The following ALKBH2 variants were observed in gnomAD, a reference collection of about 807,000 sequenced individuals.
ALKBH2 encodes alkB homolog 2, alpha-ketoglutarate dependent dioxygenase.
A neutral mutation model predicts 19.7 loss-of-function variants in ALKBH2; 19 were observed. That is an observed-to-expected ratio of 0.97 (90% confidence interval 0.67 to 1.42). The LOEUF is 1.42. ALKBH2 is among the 40% of genes most tolerant of loss of function. The pLI, the probability that ALKBH2 is intolerant of heterozygous loss-of-function variation, is 0.00. For missense variants in ALKBH2, 310 were observed against 328.5 expected (o/e 0.94, Z 0.43); for synonymous variants, 135 against 131.2 (o/e 1.03, Z -0.20).
Position 109,092,700 on chromosome 12 carries a change from C to A in ALKBH2, c.87G>T (p.Val29=), listed in dbSNP as rs1188812368. Reference sequence around the variant, plus strand: ...TTGTGCTTTCTTTGTCTCCTCCCAACACAGCTGGCTCTTCTCCAGTTGGCT... The same window carrying A: ...TTGTGCTTTCTTTGTCTCCTCCCAAAACAGCTGGCTCTTCTCCAGTTGGCT... ...EQEPTGEEPA[V]LGGDKESTRK... The change falls in exon 2 of 4, where the codon GTG becomes GTT. Residue 29 remains valine (V), a synonymous_variant. Transcript: ENST00000429722. The A allele has an allele frequency of 6.2e-7, 1 of 1,614,120 alleles. No homozygotes were observed. The highest frequency in any genetic ancestry group is 8.5e-7 in the Non-Finnish European group (1 of 1,180,056).
In ALKBH2 at chr12:109,092,867, C is replaced by G; in HGVS notation, c.-81G>C. On this transcript the variant is annotated 5_prime_UTR_variant, in exon 2 of 4. Coordinates refer to ENST00000429722, the MANE Select transcript of ALKBH2 (RefSeq NM_001145374.2). ...CAAGTTCTATCCCCAGTGCAAAAAT[C>G]TGTTTGTCCAAGGGGTCTCACAGCA... 13 of 1,521,068 alleles carry G rather than the reference C, an allele frequency of 8.5e-6. No individual in the cohort carries two copies. The highest frequency in any genetic ancestry group is 1.1e-5 in the Non-Finnish European group (12 of 1,137,810). 94.2% of individuals were successfully genotyped at this position (1,521,068 alleles called of 1,614,324 possible).
intron 2 of ALKBH2, among the ~76,000 whole-genome samples, chr12:109,091,170 T>C (rs1346779440): frequency 6.6e-6 from 1 of 152,000 alleles, no homozygotes; most frequent in African/African-American, 2.4e-5. Context: ...AAGGCGAGGA[T>C]CACTCAAGGC....
rs1730322500 is a variant in ALKBH2, at chr12:109,088,475, C to T, written c.517G>A (p.Asp173Asn). 6.2e-7 allele frequency: 1 copy of T among 1,610,618 alleles called. No homozygotes were observed. Among genetic ancestry groups the T allele is most frequent in the South Asian group, 1.1e-5 (1 of 91,020 alleles). The change falls in exon 4 of 4, where the codon GAT becomes AAT. Residue 173 changes from aspartate (D) to asparagine (N), a missense_variant. Physicochemically the swap from Asp to Asn is conservative, Grantham distance 23. Transcript: ENST00000429722. The surrounding 1 kb of genome is among the most constrained non-coding windows in gnomAD (Gnocchi z 4.2). Reference sequence around the variant, plus strand: ...CCAGGGGCCAGTTCTCTTTCATCATCTCGGTGCTCCCCGATGTGGTCACAG... The same window carrying T: ...CCAGGGGCCAGTTCTCTTTCATCATTTCGGTGCTCCCCGATGTGGTCACAG... ...DGCDHIGEHR[D>N]DERELAPGSP...
chr12:109,088,317 C>G lies in ALKBH2; in HGVS notation c.675G>C (p.Met225Ile). The change falls in exon 4 of 4, where the codon ATG (methionine) becomes ATC (isoleucine). Residue 225 changes from methionine (M) to isoleucine (I), a missense_variant. Physicochemically the swap from Met to Ile is conservative, Grantham distance 10 (BLOSUM62 1). Transcript: ENST00000429722. The surrounding 1 kb of genome is among the most constrained non-coding windows in gnomAD (Gnocchi z 4.2). ...AGTGCGTGTTGGTCGGGTGGTTCAT[C>G]ATTAGTAAGCTCCCGTGGGCCAGCG... is the stretch of plus-strand genomic sequence containing the variant. ...RLPLAHGSLLMMNHPTNTHWY... is the reference protein window; with the variant it reads ...RLPLAHGSLLIMNHPTNTHWY... The G allele has an allele frequency of 6.2e-7, 1 of 1,614,180 alleles. No individual in the cohort carries two copies. The highest frequency in any genetic ancestry group is 8.5e-7 in the Non-Finnish European group (1 of 1,180,044).
intron 2 of ALKBH2, chr12:109,092,208 CG>C: frequency 3.5e-6 from 1 of 285,602 alleles, no homozygotes; most frequent in Middle Eastern, 1.0e-3. Flanking sequence ...GAACCCAGCA[CG>C]TTTTTTTACT....
intron 2 of ALKBH2, 34 bp from the exon 3 acceptor site, chr12:109,090,241 C>G (rs776836570): frequency 6.2e-7 from 1 of 1,601,190 alleles, no homozygotes; most frequent in East Asian, 2.2e-5. Flanking sequence ...TCCTTTCTAC[C>G]TGACCCCCAT....
intron 3 of ALKBH2, chr12:109,089,596 T>C (rs1416494626): frequency 4.8e-6 from 1 of 209,598 alleles, no homozygotes; most frequent in Non-Finnish European, 9.8e-6. Context: ...TGTTTAATTT[T>C]TTGCAAGATG....
intron 1 of ALKBH2, 70 bp from the exon 2 acceptor site, chr12:109,093,007 G>A (rs2042088241): frequency 1.6e-6 from 2 of 1,213,016 alleles, no homozygotes; most frequent in Non-Finnish European, 2.1e-6. Context: ...GGTCTCCCAC[G>A]TCCACCTGTG....
chr12:109,090,367 C>T (rs769246830), intron 2 of ALKBH2, among the ~76,000 whole-genome samples, 160 bp from the exon 3 acceptor site: 12 of 152,170 alleles, frequency 7.9e-5, no homozygotes, highest in Admixed American at 2.0e-4. Context: ...AACATTTCCC[C>T]GTCATTCCAT....
chr12:109,089,098 C>T (rs2042017147), intron 3 of ALKBH2, among the ~76,000 whole-genome samples: 2 of 152,222 alleles, frequency 1.3e-5, no homozygotes, highest in African/African-American at 2.4e-5. Flanking sequence ...ACCTTTATCA[C>T]ATGATTTTGC....
Position 109,090,071 on chromosome 12 carries a change from C to T in ALKBH2, c.417G>A (p.Glu139=). The change falls in exon 3 of 4, where the codon GAG becomes GAA. Residue 139 remains glutamate, a synonymous_variant. Coordinates refer to ENST00000429722, the MANE Select transcript of ALKBH2 (RefSeq NM_001145374.2). ...LSPKPWIPVL[E]RIRDHVSGVT... Reference sequence around the variant, plus strand: ...CCCCAGAGACGTGATCCCGGATGCGCTCTAGAACTGGGATCCAGGGCTTTG... The same window carrying T: ...CCCCAGAGACGTGATCCCGGATGCGTTCTAGAACTGGGATCCAGGGCTTTG... 1 of 1,614,204 alleles carries T rather than the reference C, an allele frequency of 6.2e-7. No individual in the cohort carries two copies. Among genetic ancestry groups the T allele is most frequent in the South Asian group, 1.1e-5 (1 of 91,086 alleles).
chr12:109,092,702 C>CAGCT lies in ALKBH2; in HGVS notation c.81_84dup (p.Val29SerfsTer29). 1.2e-6 allele frequency: 2 copies of CAGCT among 1,614,232 alleles called. No homozygotes were observed. The highest frequency in any genetic ancestry group is 1.7e-6 in the Non-Finnish European group (2 of 1,180,042). The stretch of plus-strand genomic sequence containing the variant: ...GTGCTTTCTTTGTCTCCTCCCAACA[C>CAGCT]AGCTGGCTCTTCTCCAGTTGGCTCT... On this transcript the variant is annotated frameshift_variant, in exon 2 of 4. Coordinates refer to ENST00000429722, the MANE Select transcript of ALKBH2 (RefSeq NM_001145374.2). LOFTEE classifies it high-confidence loss of function.
In ALKBH2 at chr12:109,092,837, T is replaced by C. The variant is rs560569509; in HGVS notation, c.-51A>G. ...GTCAGTGGCGAGGCCAAGACAGAAA[T>C]TGCTCAAGTTCTATCCCCAGTGCAA... On this transcript the variant is annotated 5_prime_UTR_variant, in exon 2 of 4. Coordinates refer to ENST00000429722, the MANE Select transcript of ALKBH2 (RefSeq NM_001145374.2). 5.2e-6 allele frequency: 8 copies of C among 1,552,146 alleles called. No individual in the cohort carries two copies. The East Asian group carries it at 1.6e-4, about 31-fold the overall frequency.
At position 109,092,537 on chromosome 12, in the gene ALKBH2, C is replaced by G; in HGVS notation, c.250G>C (p.Glu84Gln). The G allele has an allele frequency of 6.3e-7, 1 of 1,599,334 alleles. No individual in the cohort carries two copies. Among genetic ancestry groups the G allele is most frequent in the Non-Finnish European group, 8.5e-7 (1 of 1,171,142 alleles). Residue 84 changes from glutamate to glutamine, a missense_variant, in exon 2 of 4, where the codon GAG becomes CAG. Glu to Gln is a conservative substitution (Grantham distance 29). Transcript: ENST00000429722. Reference sequence around the variant, plus strand: ...AAATATTCTACTTCTTTCTCCAACTCTTGGAAAATCTCATCTGCCTCAGCT... The same window carrying G: ...AAATATTCTACTTCTTTCTCCAACTGTTGGAAAATCTCATCTGCCTCAGCT... ...GKAEADEIFQ[E>Q]LEKEVEYFTG...
At chr12:109,090,712 T>C (rs1044411779) in intron 2 of ALKBH2, among the ~76,000 whole-genome samples, 2 of 152,182 alleles carry the variant, frequency 1.3e-5, no homozygotes, top group Non-Finnish European at 2.9e-5. Context: ...ACTTTTTTTG[T>C]ATTTTTTTGT....
rs1054291346 is a variant in ALKBH2, at chr12:109,088,596, G to C, written c.480-84C>G. On this transcript the variant is annotated intron_variant, in intron 3 of 3. Transcript: ENST00000429722. The surrounding 1 kb of genome is among the most constrained non-coding windows in gnomAD (Gnocchi z 4.2). ...ACCGCCAGCCCTCGTTTTCCTCACAGTGTGAAACAGCACTCTGCATGGCTG... is the reference window on the plus strand; with the variant it reads ...ACCGCCAGCCCTCGTTTTCCTCACACTGTGAAACAGCACTCTGCATGGCTG... 7.9e-5 allele frequency: 103 copies of C among 1,304,102 alleles called. No homozygotes were observed. The highest frequency in any genetic ancestry group is 1.0e-4 in the Non-Finnish European group (99 of 945,802). 80.8% of individuals were successfully genotyped at this position (1,304,102 alleles called of 1,614,324 possible). A position where few individuals can be genotyped will look rare whatever the true frequency, so the allele number is the denominator to read the frequency against.
At position 109,088,384 on chromosome 12, in the gene ALKBH2, C is replaced by T. The variant is rs33962311; in HGVS notation, c.608G>A (p.Arg203His). ...CACCCTCCTGGAGGGGCTTTTCCCA[C>T]GGGAATCCTTATGCCGGAAGACAAA... ...RDFVFRHKDS[R>H]GKSPSRRVAV... The change falls in exon 4 of 4, where the codon CGT (arginine) becomes CAT (histidine). Residue 203 changes from arginine to histidine, a missense_variant. Arg to His is a conservative substitution (Grantham distance 29). Transcript: ENST00000429722. The surrounding 1 kb of genome is among the most constrained non-coding windows in gnomAD (Gnocchi z 4.2). 0.011 allele frequency: 17,145 copies of T among 1,613,932 alleles called. 120 individuals carry two copies. Among genetic ancestry groups the T allele is most frequent in the African/African-American group, 0.021 (1,595 of 74,954 alleles).
chr12:109,092,705 C>G lies in ALKBH2; in HGVS notation c.82G>C (p.Ala28Pro). The change falls in exon 2 of 4, where the codon GCT (alanine) becomes CCT (proline). Residue 28 changes from alanine (A) to proline (P), a missense_variant. By Grantham distance (27) the Ala-to-Pro change is conservative. Coordinates refer to ENST00000429722, the MANE Select transcript of ALKBH2 (RefSeq NM_001145374.2). ...EEQEPTGEEPAVLGGDKESTR... is the reference protein window; with the variant it reads ...EEQEPTGEEPPVLGGDKESTR... Reference sequence around the variant, plus strand: ...CTTTCTTTGTCTCCTCCCAACACAGCTGGCTCTTCTCCAGTTGGCTCTTGC... The same window carrying G: ...CTTTCTTTGTCTCCTCCCAACACAGGTGGCTCTTCTCCAGTTGGCTCTTGC... 6.2e-7 allele frequency: 1 copy of G among 1,614,226 alleles called. No homozygotes were observed. The highest frequency in any genetic ancestry group is 8.5e-7 in the Non-Finnish European group (1 of 1,180,048).
At position 109,092,747 on chromosome 12, in the gene ALKBH2, A is replaced by G. The variant is rs761268050; in HGVS notation, c.40T>C (p.Leu14=). 10 of 1,613,866 alleles carry G rather than the reference A, an allele frequency of 6.2e-6. No homozygotes were observed. The South Asian group carries it at 8.8e-5, about 14-fold the overall frequency. ...FLVKGAQGGL[L]RKQEEQEPTG... The stretch of plus-strand genomic sequence containing the variant: ...GGCTCTTGCTCCTCCTGCTTCCTCA[A>G]AAGGCCCCCTTGAGCCCCTTTCACC... The change falls in exon 2 of 4, where the codon TTG becomes CTG. Residue 14 remains leucine, a synonymous_variant. Transcript: ENST00000429722.
Sources: allele counts gnomAD v4.1 joint callset (sites outside exome capture counted in the v4.1 genomes callset), GRCh38; gene constraint gnomAD v4.1.1; non-coding constraint Gnocchi (gnomAD v3.1); transcripts MANE v1.5; gene names NCBI Gene and HGNC (gene_info 2026-07-23, HGNC 2026-07-21).